SLC6A18: variants seen among roughly 807,000 people sequenced by gnomAD.
SLC6A18 encodes solute carrier family 6 member 18.
A neutral mutation model predicts 62.9 loss-of-function variants in SLC6A18; 58 were observed. The observed-to-expected ratio is 0.92, with a 90% CI of 0.75 to 1.15. The LOEUF is 1.15. Among genes scored for constraint, SLC6A18 ranks in the 50% most tolerant of loss-of-function variants. SLC6A18 has a pLI of 0.00. For missense variants in SLC6A18, 793 were observed against 836.6 expected, an observed-to-expected ratio of 0.95 and a Z score of 0.64; for synonymous variants, 382 against 365.8, an observed-to-expected ratio of 1.04 and a Z score of -0.51.
Position 1,243,121 on chromosome 5 carries a change from T to A in SLC6A18, c.1131+258T>A, listed in dbSNP as rs1747108471. Among the ~76,000 whole-genome samples, 1 of 152,104 alleles carries A rather than the reference T, an allele frequency of 6.6e-6. No individual in the cohort carries two copies. The highest frequency in any genetic ancestry group is 1.5e-5 in the Non-Finnish European group (1 of 68,014). On this transcript the variant is annotated intron_variant, in intron 8 of 11. Transcript: ENST00000324642. This position sits in a 1 kb window ranked among gnomAD's most constrained non-coding sequence, Gnocchi z 6.5. ...TTGGGCTGACCCGAGAGAGTGGGCA[T>A]TGCTGGTGCCCAGACCCCAGGAGAG...
Position 1,243,712 on chromosome 5 carries a change from T to C in SLC6A18, c.1289T>C (p.Leu430Pro), listed in dbSNP as rs1396356967. The C allele has an allele frequency of 6.2e-7, 1 of 1,613,688 alleles. No homozygotes were observed. The highest frequency in any genetic ancestry group is 8.5e-7 in the Non-Finnish European group (1 of 1,179,890). The change falls in exon 9 of 12, where the codon CTG becomes CCG. Residue 430 changes from leucine (L) to proline (P), a missense_variant. By Grantham distance (98) the Leu-to-Pro change is moderately conservative (BLOSUM62 -3). Coordinates refer to ENST00000324642, the MANE Select transcript of SLC6A18 (RefSeq NM_182632.3). The surrounding 1 kb of genome is among the most constrained non-coding windows in gnomAD (Gnocchi z 6.5). ...GTGGAGGCGGTCATCACACCCCTGCTGGACGTGGGGGTCCTGCCTAGATGG... is the reference window on the plus strand; with the variant it reads ...GTGGAGGCGGTCATCACACCCCTGCCGGACGTGGGGGTCCTGCCTAGATGG... Reference protein sequence around the residue: ...GTVEAVITPLLDVGVLPRWVP... With the variant: ...GTVEAVITPLPDVGVLPRWVP...
chr5:1,240,685 C>G, intron 7 of SLC6A18, 26 bp downstream of exon 7: 1 of 1,611,654 alleles, frequency 6.2e-7, no homozygotes, highest in Non-Finnish European at 8.5e-7. Context: ...GCGCCTGGCT[C>G]TGTGGGGCAC....
chr5:1,226,953 C>CCCAACGCCTTGCCCA (rs1321129026), intron 1 of SLC6A18, among the ~76,000 whole-genome samples: 6 of 142,126 alleles, frequency 4.2e-5, no homozygotes, highest in Non-Finnish European at 9.3e-5. Context: ...TGATGCCTTG[C>CCCAACGCCTTGCCCA]CCAACGCCTT....
chr5:1,245,797 C>T (rs766703513), intron 11 of SLC6A18, 51 bp from the exon 12 acceptor site: 1 of 1,539,494 alleles, frequency 6.5e-7, no homozygotes, highest in Admixed American at 1.9e-5. Context: ...CGGGGGTCAG[C>T]CTCACGGCCC....
In SLC6A18 at chr5:1,246,066, G is replaced by T. The variant is rs776998937; in HGVS notation, c.1875G>T (p.Thr625=). ...TRPDTDMRPD[T]DMR is the part of the protein sequence containing the mutation. ...CAGACACGGACATGCGCCCGGACACGGACATGCGCTGAAGCCGGCCGGAGC... is the reference window on the plus strand; with the variant it reads ...CAGACACGGACATGCGCCCGGACACTGACATGCGCTGAAGCCGGCCGGAGC... Residue 625 remains threonine, a synonymous_variant, in exon 12 of 12, where the codon ACG becomes ACT. Transcript: ENST00000324642. 3.2e-5 allele frequency: 51 copies of T among 1,584,168 alleles called. No individual in the cohort carries two copies. In the Admixed American group the frequency reaches 8.2e-4, roughly 25 times the overall value.
Position 1,237,986 on chromosome 5 carries a change from C to G in SLC6A18, c.658C>G (p.Leu220Val), listed in dbSNP as rs772577337. ...YFTALFPYLV[L>V]TIFLIRGLTL... ...CACAGCTTTGTTCCCTTACCTGGTC[C>G]TGACCATCTTTCTCATCAGAGGGCT... is the stretch of plus-strand genomic sequence containing the variant. Residue 220 changes from leucine (L) to valine (V), a missense_variant, in exon 5 of 12, where the codon CTG becomes GTG. By Grantham distance (32) the Leu-to-Val change is conservative. Transcript: ENST00000324642. The G allele has an allele frequency of 1.2e-6, 2 of 1,614,234 alleles. No homozygotes were observed. Among genetic ancestry groups the G allele is most frequent in the Non-Finnish European group, 1.7e-6 (2 of 1,180,034 alleles).
intron 1 of SLC6A18, among the ~76,000 whole-genome samples, chr5:1,227,387 C>T (rs577488224): frequency 6.6e-6 from 1 of 152,334 alleles, no homozygotes; most frequent in Admixed American, 6.5e-5. Flanking sequence ...ACTCTACCAT[C>T]AATCTCCTGA....
chr5:1,233,025 G>A, intron 3 of SLC6A18, 137 bp downstream of exon 3: 1 of 1,304,454 alleles, frequency 7.7e-7, no homozygotes, highest in East Asian at 2.5e-5. Context: ...GTTGCTCTGT[G>A]TGCACATGCA....
chr5:1,232,301 G>A lies in SLC6A18; in HGVS notation c.243G>A (p.Arg81=). The change falls in exon 2 of 12, where the codon CGG becomes CGA. Residue 81 remains arginine (R), a synonymous_variant. Coordinates refer to ENST00000324642, the MANE Select transcript of SLC6A18 (RefSeq NM_182632.3). The part of the protein sequence containing the change: ...IFHVELAIGQ[R]LRKGSVGVWT... ...ACGTCGAGCTCGCCATCGGCCAGCG[G>A]CTGCGGAAGGGCAGCGTCGGCGTGT... The A allele has an allele frequency of 6.2e-7, 1 of 1,612,586 alleles. No individual in the cohort carries two copies. Among genetic ancestry groups the A allele is most frequent in the Non-Finnish European group, 8.5e-7 (1 of 1,179,882 alleles).
intron 1 of SLC6A18, among the ~76,000 whole-genome samples, chr5:1,231,832 CCA>C (rs1177039672): frequency 1.3e-5 from 2 of 152,164 alleles, no homozygotes; most frequent in Admixed American, 1.3e-4. Flanking sequence ...GGCCTCCTTC[CCA>C]CAGAGGCTGA....
At chr5:1,230,456 C>T (rs1241500030) in intron 1 of SLC6A18, among the ~76,000 whole-genome samples, 1 of 152,184 alleles carries the variant, frequency 6.6e-6, no homozygotes, top group Non-Finnish European at 1.5e-5. Flanking sequence ...ACCTCAGCTT[C>T]CCCTCTTCAA....
In SLC6A18 at chr5:1,243,751, C is replaced by T. The variant is rs377615252; in HGVS notation, c.1328C>T (p.Ala443Val). ...GVLPRWVPKE[A>V]LTGLVCLVCF... ...CTGCCTAGATGGGTCCCCAAGGAGG[C>T]CCTGACTGGTGAGCGCACAGCTCCG... Residue 443 changes from alanine (A) to valine (V), a missense_variant, in exon 9 of 12, where the codon GCC becomes GTC. Coordinates refer to ENST00000324642, the MANE Select transcript of SLC6A18 (RefSeq NM_182632.3). The surrounding 1 kb of genome is among the most constrained non-coding windows in gnomAD (Gnocchi z 6.5). The T allele has an allele frequency of 3.1e-6, 5 of 1,605,404 alleles. No individual in the cohort carries two copies. The highest frequency in any genetic ancestry group is 2.2e-5 in the East Asian group (1 of 44,754).
chr5:1,246,176 C>T lies in SLC6A18; in HGVS notation c.*98C>T, dbSNP rs1399489140. 1.4e-6 allele frequency: 2 copies of T among 1,412,964 alleles called. No individual in the cohort carries two copies. The highest frequency in any genetic ancestry group is 1.9e-6 in the Non-Finnish European group (2 of 1,073,222). The allele number at this position is 1,412,964 out of a possible 1,614,324, so 87.5% of individuals were successfully genotyped here. ...CACAGGGCCGACCCCAATACACCAG[C>T]GACTCAACCTTGATGCCGCTGTGTA... On this transcript the variant is annotated 3_prime_UTR_variant, in exon 12 of 12. Coordinates refer to ENST00000324642, the MANE Select transcript of SLC6A18 (RefSeq NM_182632.3).
In SLC6A18 at chr5:1,236,063, A is replaced by T. The variant is rs560664187; in HGVS notation, c.621+401A>T. On this transcript the variant is annotated intron_variant, in intron 4 of 11. Transcript: ENST00000324642. ...TATTTGGGGTGTTTAGAGCATTTAC[A>T]TTTAATGTGATTATTGATATGGTTG... Among the ~76,000 whole-genome samples, 6 of 152,216 alleles carry T rather than the reference A, an allele frequency of 3.9e-5. No individual in the cohort carries two copies. In the South Asian group the frequency reaches 1.2e-3, roughly 32 times the overall value.
chr5:1,244,453 C>G (rs944981976), intron 10 of SLC6A18, 80 bp downstream of exon 10: 2 of 1,579,700 alleles, frequency 1.3e-6, no homozygotes, highest in African/African-American at 2.7e-5. Context: ...CAGGTTCAAC[C>G]CGCAGCTGCC....
In SLC6A18 at chr5:1,240,676, C is replaced by A. The variant is rs201115767; in HGVS notation, c.974+17C>A. 1.2e-6 allele frequency: 2 copies of A among 1,612,568 alleles called. No individual in the cohort carries two copies. Among genetic ancestry groups the A allele is most frequent in the Admixed American group, 3.3e-5 (2 of 59,972 alleles). On this transcript the variant is annotated intron_variant, in intron 7 of 11. Coordinates refer to ENST00000324642, the MANE Select transcript of SLC6A18 (RefSeq NM_182632.3). ...CCTGGACAGGTGAGCACAGGTGCCG[C>A]GCCTGGCTCTGTGGGGCACAGCCGC...
intron 4 of SLC6A18, among the ~76,000 whole-genome samples, chr5:1,237,240 C>CAAAAAAAAAAAAAAA (rs61528804): frequency 1.6e-4 from 12 of 76,468 alleles, no homozygotes; most frequent in African/African-American, 5.9e-4. Flanking sequence ...GACTCTGTCT[C>CAAAAAAAAAAAAAAA]AAAAAAAAAA....
intron 3 of SLC6A18, among the ~76,000 whole-genome samples, chr5:1,235,224 G>A (rs538333763): frequency 6.6e-6 from 1 of 152,346 alleles, no homozygotes; most frequent in African/African-American, 2.4e-5. Context: ...GACGTCCAAG[G>A]GGCTGCAGGC....
rs1747120886 is a variant in SLC6A18, at chr5:1,243,477, G to A, written c.1132-78G>A. The A allele has an allele frequency of 1.1e-5, 16 of 1,500,938 alleles. No homozygotes were observed. Among genetic ancestry groups the A allele is most frequent in the East Asian group, 2.3e-5 (1 of 44,134 alleles). The allele number at this position is 1,500,938 out of a possible 1,614,324, so 93.0% of individuals were successfully genotyped here. ...TCGTGTCCTCGGCCTGGGAGAGTGT[G>A]TGTCCTGCAGGCAGGCGTGTGTGTG... On this transcript the variant is annotated intron_variant, in intron 8 of 11. Coordinates refer to ENST00000324642, the MANE Select transcript of SLC6A18 (RefSeq NM_182632.3). The surrounding 1 kb of genome is among the most constrained non-coding windows in gnomAD (Gnocchi z 6.5).
Sources: gnomAD v4.1 joint callset for allele counts (sites outside exome capture counted in the v4.1 genomes callset) on GRCh38, gnomAD v4.1.1 for gene constraint, Gnocchi (gnomAD v3.1) non-coding constraint, MANE v1.5 for transcripts, NCBI Gene and HGNC (gene_info 2026-07-23, HGNC 2026-07-21) for gene names.